Variants in PKD2L2 observed in about 807,000 individuals in gnomAD.
The protein encoded by PKD2L2 is polycystin-2-like protein 2.
PKD2L2 carries 67 observed loss-of-function variants against 83.9 expected under a neutral mutation model. The observed-to-expected ratio is 0.80, with a 90% CI of 0.66 to 0.98. The LOEUF (loss-of-function observed/expected upper bound fraction) is 0.98. Ranked by LOEUF, PKD2L2 falls within the 50% of genes least tolerant of loss-of-function variation. PKD2L2 has a pLI of 0.00. For synonymous variants in PKD2L2, 223 were observed against 237.8 expected (o/e 0.94, Z 0.57); for missense variants, 632 against 717.2 (o/e 0.88, Z 1.36).
chr5:137,929,547 A>AAAC (rs1759677356), intron 12 of PKD2L2, among the ~76,000 whole-genome samples: 1 of 147,644 alleles, frequency 6.8e-6, no homozygotes, highest in Non-Finnish European at 1.5e-5. Flanking sequence ...AAAAAAAAAA[A>AAAC]AAAAAAAAAA....
chr5:137,912,274 A>G (rs1484593153), intron 8 of PKD2L2, among the ~76,000 whole-genome samples: 1 of 152,158 alleles, frequency 6.6e-6, no homozygotes, highest in African/African-American at 2.4e-5. Flanking sequence ...TCCCACCAAC[A>G]GTGTATGAAG....
chr5:137,908,913 A>T lies in PKD2L2; in HGVS notation c.1295A>T (p.Gln432Leu). ...TTAGGATTTCTTGTTTTTGGATCACAAGTTGATGACTTTTCCACTTTTCAG... is the reference window on the plus strand; with the variant it reads ...TTAGGATTTCTTGTTTTTGGATCACTAGTTGATGACTTTTCCACTTTTCAG... ...AQLGFLVFGS[Q>L]VDDFSTFQNS... Residue 432 changes from glutamine to leucine, a missense_variant, in exon 8 of 15, where the codon CAA becomes CTA. Gln to Leu is a moderately radical substitution (Grantham distance 113). Around this residue, in one of 3 missense-constraint regions of PKD2L2, gnomAD observed 399 missense variants for 416.9 expected, o/e 0.96. Transcript: ENST00000508883. 6.2e-7 allele frequency: 1 copy of T among 1,608,886 alleles called. No homozygotes were observed. Among genetic ancestry groups the T allele is most frequent in the South Asian group, 1.1e-5 (1 of 90,062 alleles).
At chr5:137,917,715 A>G (rs1758506776) in intron 8 of PKD2L2, among the ~76,000 whole-genome samples, 1 of 152,042 alleles carries the variant, frequency 6.6e-6, no homozygotes, top group African/African-American at 2.4e-5. Context: ...CATCTTTAAG[A>G]CAGTTAAAGT....
chr5:137,899,207 C>T (rs1267081818), intron 4 of PKD2L2, among the ~76,000 whole-genome samples: 1 of 152,114 alleles, frequency 6.6e-6, no homozygotes, highest in Non-Finnish European at 1.5e-5. Context: ...AGCTCAACCT[C>T]CCGGGCCCAA....
intron 9 of PKD2L2, among the ~76,000 whole-genome samples, chr5:137,922,927 T>G (rs1262162665): frequency 6.6e-6 from 1 of 152,206 alleles, no homozygotes; most frequent in African/African-American, 2.4e-5. Context: ...CTTTATTGTC[T>G]GCATAGTCAT....
intron 3 of PKD2L2, among the ~76,000 whole-genome samples, chr5:137,892,922 A>G (rs1054832581): frequency 9.9e-5 from 15 of 152,156 alleles, no homozygotes; most frequent in Non-Finnish European, 1.6e-4. Flanking sequence ...AGCCTGACCA[A>G]CTTGGTGAAA....
At chr5:137,915,168 AT>A (rs1377107886) in intron 8 of PKD2L2, among the ~76,000 whole-genome samples, 1 of 151,744 alleles carries the variant, frequency 6.6e-6, no homozygotes, top group Admixed American at 6.6e-5. Context: ...CTTCTCTTCC[AT>A]TTTTGGAAGA....
chr5:137,921,851 A>G, intron 9 of PKD2L2, 95 bp downstream of exon 9: 1 of 943,720 alleles, frequency 1.1e-6, no homozygotes, highest in Non-Finnish European at 1.6e-6. Flanking sequence ...CTCAGCTGTC[A>G]GAGTACTTTA....
At chr5:137,920,259 C>T (rs1758771475) in intron 8 of PKD2L2, among the ~76,000 whole-genome samples, 1 of 152,102 alleles carries the variant, frequency 6.6e-6, no homozygotes, top group Non-Finnish European at 1.5e-5. Flanking sequence ...ATAATTTAAA[C>T]TGATATTCCT....
intron 4 of PKD2L2, among the ~76,000 whole-genome samples, chr5:137,895,000 C>T (rs770595192): frequency 6.6e-6 from 1 of 152,146 alleles, no homozygotes; most frequent in Non-Finnish European, 1.5e-5. Flanking sequence ...TGTCACTTTC[C>T]TCCTCTCTCA....
intron 5 of PKD2L2, among the ~76,000 whole-genome samples, chr5:137,904,442 A>G (rs1347817425): frequency 2.0e-5 from 3 of 152,218 alleles, no homozygotes; most frequent in Non-Finnish European, 4.4e-5. Context: ...CTATGCCATA[A>G]AAAGAATGCG....
intron 8 of PKD2L2, among the ~76,000 whole-genome samples, chr5:137,913,871 CTT>C (rs757741042): frequency 5.7e-5 from 8 of 139,860 alleles, no homozygotes; most frequent in Admixed American, 7.3e-5. Context: ...TTTTCTTTTC[CTT>C]TTTTTTTTTT....
chr5:137,895,960 T>C (rs1035338585), intron 4 of PKD2L2, among the ~76,000 whole-genome samples: 7 of 151,242 alleles, frequency 4.6e-5, no homozygotes, highest in African/African-American at 1.7e-4. Flanking sequence ...GCGGATCACC[T>C]GAGGTCAGGA....
intron 10 of PKD2L2, 81 bp from the exon 11 acceptor site, chr5:137,924,959 A>C: frequency 1.2e-6 from 1 of 843,894 alleles, no homozygotes; most frequent in Non-Finnish European, 2.0e-6. Flanking sequence ...CAAGCATTCC[A>C]TATTTATTTT....
At position 137,892,481 on chromosome 5, in the gene PKD2L2, G is replaced by A; in HGVS notation, c.135G>A (p.Leu45=). ...YFIFLINLCI[L]TFGMVNPHMY... is the part of the protein sequence containing the mutation. ...TAAACAAAAAATTATTCTCCTTAGT[G>A]ACTTTTGGGATGGTAAACCCACATA... The change falls in exon 3 of 15, where the codon TTG becomes TTA. Residue 45 remains leucine (L), a splice_region_variant and synonymous_variant. Transcript: ENST00000508883. 1 of 1,475,826 alleles carries A rather than the reference G, an allele frequency of 6.8e-7. No individual in the cohort carries two copies. Among genetic ancestry groups the A allele is most frequent in the Non-Finnish European group, 9.1e-7 (1 of 1,096,552 alleles). 91.4% of individuals were successfully genotyped at this position (1,475,826 alleles called of 1,614,324 possible). A position where few individuals can be genotyped will look rare whatever the true frequency, so the allele number is the denominator to read the frequency against.
At position 137,942,490 on chromosome 5, in the gene PKD2L2, A is replaced by G. The variant is rs1762154972; in HGVS notation, c.*124A>G. On this transcript the variant is annotated 3_prime_UTR_variant, in exon 15 of 15. Transcript: ENST00000508883. ...ATCCTCTTGCCTCAGCCTCCCAAGT[A>G]TCTGGGACTACACGCGAACACCACC... 3 of 211,946 alleles carry G rather than the reference A, an allele frequency of 1.4e-5. No homozygotes were observed. The South Asian group carries it at 2.8e-4, about 20-fold the overall frequency. 13.1% of individuals were successfully genotyped at this position (211,946 alleles called of 1,614,324 possible).
In PKD2L2 at chr5:137,890,542, A is replaced by ATTGT; in HGVS notation, c.95_98dup (p.Leu33PhefsTer42). On this transcript the variant is annotated frameshift_variant, in exon 2 of 15. Coordinates refer to ENST00000508883, the MANE Select transcript of PKD2L2 (RefSeq NM_001300921.2). LOFTEE classifies it high-confidence loss of function. ...TAGAAATTACAACCACACTTCAGGA[A>ATTGT]TTGTTACTCTACTTTATTTTTTTAA... is the stretch of plus-strand genomic sequence containing the variant. 6.4e-7 allele frequency: 1 copy of ATTGT among 1,564,996 alleles called. No individual in the cohort carries two copies. Among genetic ancestry groups the ATTGT allele is most frequent in the South Asian group, 1.2e-5 (1 of 83,890 alleles).
chr5:137,893,822 G>A (rs1417810070), intron 3 of PKD2L2, among the ~76,000 whole-genome samples: 1 of 152,166 alleles, frequency 6.6e-6, no homozygotes, highest in East Asian at 1.9e-4. Flanking sequence ...AATAAAAGAG[G>A]TGGAGGTCAC....
chr5:137,905,533 A>G (rs1757298112), intron 5 of PKD2L2, among the ~76,000 whole-genome samples: 1 of 152,210 alleles, frequency 6.6e-6, no homozygotes, highest in South Asian at 2.1e-4. Flanking sequence ...TAATATTGTG[A>G]TAGAAATGCT....
Sources: gnomAD v4.1 joint callset for allele counts (sites outside exome capture counted in the v4.1 genomes callset) on GRCh38, gnomAD v4.1.1 for gene constraint, gnomAD v4.1.1 regional missense constraint, MANE v1.5 for transcripts, NCBI Gene and HGNC (gene_info 2026-07-23, HGNC 2026-07-21) for gene names.